Variants in ALPK1 observed in about 807,000 individuals in gnomAD.
The protein encoded by ALPK1 is alpha-protein kinase 1.
ALPK1 carries 110 observed loss-of-function variants against 120.6 expected under a neutral mutation model. The ratio of observed to expected loss-of-function variants is 0.91; its 90% CI spans 0.78 to 1.07. The LOEUF is 1.07. Among genes scored for constraint, ALPK1 ranks in the 50% least tolerant of loss-of-function variants. The pLI is 0.00. For missense variants in ALPK1, 1,498 were observed against 1,483.9 expected, an observed-to-expected ratio of 1.01 and a Z score of -0.16; for synonymous variants, 582 against 560.3, an observed-to-expected ratio of 1.04 and a Z score of -0.55.
intron 4 of ALPK1, among the ~76,000 whole-genome samples, chr4:112,386,463 G>A (rs1293210489): frequency 3.3e-5 from 5 of 152,174 alleles, no homozygotes; most frequent in Non-Finnish European, 2.9e-5. Context: ...GGTCTTTTCC[G>A]AGATGATACC....
At chr4:112,382,285 TTC>T (rs765664056) in intron 3 of ALPK1, 111 bp from the exon 4 acceptor site, 1 of 1,181,734 alleles carries the variant, frequency 8.5e-7, no homozygotes, top group Non-Finnish European at 1.2e-6. Flanking sequence ...GAAAAGGTTT[TTC>T]TCTTTTTTTT....
intron 4 of ALPK1, among the ~76,000 whole-genome samples, chr4:112,410,364 T>G (rs889455408): frequency 1.3e-5 from 2 of 152,210 alleles, no homozygotes; most frequent in Non-Finnish European, 2.9e-5. Flanking sequence ...ATCTCAGGTT[T>G]CCCATCTTAC....
chr4:112,436,451 G>A (rs573586647), intron 12 of ALPK1, among the ~76,000 whole-genome samples: 7 of 152,284 alleles, frequency 4.6e-5, no homozygotes, highest in East Asian at 3.9e-4. Context: ...TTCAGACTAC[G>A]ATCTTACTTG....
In ALPK1 at chr4:112,350,444, TC is replaced by T. The variant is rs1730304158; in HGVS notation, c.-100-27231del. Among the ~76,000 whole-genome samples, 4 of 152,220 alleles carry T rather than the reference TC, an allele frequency of 2.6e-5. No homozygotes were observed. The South Asian group carries it at 8.3e-4, about 32-fold the overall frequency. Reference sequence around the variant, plus strand: ...CGGGACCCTCCCTCCTCCTACTCCATCCCTGGAGAGATGCAGCAGTTTTGAC... The same window carrying T: ...CGGGACCCTCCCTCCTCCTACTCCATCCTGGAGAGATGCAGCAGTTTTGAC... On this transcript the variant is annotated intron_variant, in intron 2 of 15. Transcript: ENST00000650871.
At chr4:112,434,119 A>C (rs563478529) in intron 11 of ALPK1, among the ~76,000 whole-genome samples, 1 of 152,350 alleles carries the variant, frequency 6.6e-6, no homozygotes, top group South Asian at 2.1e-4. Flanking sequence ...CATTTATTAC[A>C]ATGAGGTAAC....
At chr4:112,429,347 A>G in intron 10 of ALPK1, 94 bp downstream of exon 10, 7 of 961,900 alleles carry the variant, frequency 7.3e-6, no homozygotes, top group Admixed American at 2.3e-5. Flanking sequence ...TTAACCTTCA[A>G]ACAGGCTTTG....
intron 2 of ALPK1, among the ~76,000 whole-genome samples, chr4:112,341,021 A>G (rs1729838744): frequency 6.6e-6 from 1 of 152,184 alleles, no homozygotes; most frequent in Admixed American, 6.5e-5. Flanking sequence ...GATCCCAGCA[A>G]ACACATGGAA....
At chr4:112,426,433 CT>C (rs755801544) in intron 7 of ALPK1, 33 bp from the exon 8 acceptor site, 10 of 1,560,388 alleles carry the variant, frequency 6.4e-6, no homozygotes, top group Admixed American at 3.4e-5. Context: ...TGTTCCTCCC[CT>C]GTCCCTCTCC....
At position 112,374,153 on chromosome 4, in the gene ALPK1, T is replaced by C. The variant is rs1294193626; in HGVS notation, c.-100-3525T>C. 2.9e-4 allele frequency among the ~76,000 whole-genome samples: 44 copies of C among 152,262 alleles called. 1 individual carries two copies. The highest frequency in any genetic ancestry group is 2.9e-3 in the Admixed American group (44 of 15,288). On this transcript the variant is annotated intron_variant, in intron 2 of 15. Coordinates refer to ENST00000650871, the MANE Select transcript of ALPK1 (RefSeq NM_025144.4). ...CTTCTTTCAAAATTGCAGTCGGTCC[T>C]CTTAAATCCCGCTGCTGCTTTACCA...
At chr4:112,330,367 CT>C (rs768402270) in intron 2 of ALPK1, among the ~76,000 whole-genome samples, 4 of 152,122 alleles carry the variant, frequency 2.6e-5, no homozygotes, top group Non-Finnish European at 4.4e-5. Flanking sequence ...ACAGCCTAAG[CT>C]ATAAAGGTAA....
At chr4:112,359,368 A>G in intron 2 of ALPK1, 1 of 375,200 alleles carries the variant, frequency 2.7e-6, no homozygotes, top group Non-Finnish European at 5.1e-6. Context: ...GACCTGGACA[A>G]GGTGCTGGCC....
intron 4 of ALPK1, among the ~76,000 whole-genome samples, chr4:112,394,343 T>C (rs944118877): frequency 6.6e-6 from 1 of 152,220 alleles, no homozygotes; most frequent in Admixed American, 6.5e-5. Context: ...AAACAGAAAT[T>C]GTATAATTTT....
At chr4:112,398,335 C>T (rs1732758207) in intron 4 of ALPK1, among the ~76,000 whole-genome samples, 1 of 152,122 alleles carries the variant, frequency 6.6e-6, no homozygotes, top group South Asian at 2.1e-4. Flanking sequence ...GTTGCCCAGG[C>T]TGGAGCACAT....
At chr4:112,307,376 G>T (rs1488790224) in intron 1 of ALPK1, among the ~76,000 whole-genome samples, 1 of 152,054 alleles carries the variant, frequency 6.6e-6, no homozygotes, top group Admixed American at 6.6e-5. Flanking sequence ...TTATTATTGT[G>T]TGGGAGTCTA....
intron 5 of ALPK1, among the ~76,000 whole-genome samples, chr4:112,421,461 C>T (rs1421243184): frequency 6.6e-6 from 1 of 152,162 alleles, no homozygotes; most frequent in Non-Finnish European, 1.5e-5. Context: ...CCTAAGGTCA[C>T]ATTTTACTGC....
intron 2 of ALPK1, chr4:112,357,202 G>A (rs376608625): frequency 1.3e-5 from 20 of 1,551,542 alleles, no homozygotes; most frequent in South Asian, 8.2e-5. Context: ...CCCAGAGCAC[G>A]TTTCAGACCA....
At chr4:112,396,054 A>G (rs6847952) in intron 4 of ALPK1, among the ~76,000 whole-genome samples, 65,705 of 151,852 alleles carry the variant, frequency 0.43, 14,743 homozygotes, top group African/African-American at 0.58. Flanking sequence ...CTTAGTTGTC[A>G]TGTTTCATTA....
chr4:112,432,129 T>C lies in ALPK1; in HGVS notation c.2582T>C (p.Met861Thr), dbSNP rs11726117. 0.65 allele frequency: 1,056,360 copies of C among 1,613,994 alleles called. 347,307 individuals are homozygous for C. Among genetic ancestry groups the C allele is most frequent in the African/African-American group, 0.73 (55,076 of 75,002 alleles). ...GAGGAGGGGCAACTGCTCGACAGCATGGATGTTCCCTGCACAAATGGGCAC... is the reference window on the plus strand; with the variant it reads ...GAGGAGGGGCAACTGCTCGACAGCACGGATGTTCCCTGCACAAATGGGCAC... ...VDEEGQLLDS[M>T]DVPCTNGHGS... Residue 861 changes from methionine to threonine, a missense_variant, in exon 11 of 16, where the codon ATG becomes ACG. By Grantham distance (81) the Met-to-Thr change is moderately conservative. Transcript: ENST00000650871.
chr4:112,421,073 T>C (rs1479441807), intron 5 of ALPK1, among the ~76,000 whole-genome samples: 1 of 152,086 alleles, frequency 6.6e-6, no homozygotes, highest in Non-Finnish European at 1.5e-5. Context: ...CCTCAGGTGA[T>C]CCACCCACCT....
Sources: gnomAD v4.1 joint callset for allele counts (sites outside exome capture counted in the v4.1 genomes callset) on GRCh38, gnomAD v4.1.1 for gene constraint, MANE v1.5 for transcripts, NCBI Gene and HGNC (gene_info 2026-07-23, HGNC 2026-07-21) for gene names.